DCC: variants seen among roughly 807,000 people sequenced by gnomAD.
DCC encodes the protein netrin receptor DCC.
DCC carries 58 observed loss-of-function variants against 172.5 expected under a neutral mutation model. The observed-to-expected ratio is 0.34, with a 90% CI of 0.27 to 0.42. DCC has a LOEUF of 0.42. Among genes scored for constraint, DCC ranks in the 10% least tolerant of loss-of-function variants. DCC has a pLI of 1.00. For missense variants in DCC, 1,740 were observed against 1,791.0 expected (o/e 0.97, Z 0.51); for synonymous variants, 709 against 644.5 (o/e 1.10, Z -1.52).
intron 3 of DCC, among the ~76,000 whole-genome samples, chr18:52,908,500 G>C (rs1303641256): frequency 6.6e-6 from 1 of 152,162 alleles, no homozygotes; most frequent in African/African-American, 2.4e-5. Context: ...AAGGTAAGCT[G>C]CATGGAAAAT....
At position 53,369,098 on chromosome 18, in the gene DCC, T is replaced by A. The variant is rs184966096; in HGVS notation, c.2360-16945T>A. 2.0e-4 allele frequency among the ~76,000 whole-genome samples: 30 copies of A among 152,136 alleles called. No individual in the cohort carries two copies. In the East Asian group the frequency reaches 5.4e-3, roughly 27 times the overall value. ...GGGCTGCGTTTCTATATATTTAAAG[T>A]CTTTAATTTCTTTTGCAGTGCTTAA... On this transcript the variant is annotated intron_variant, in intron 15 of 28. Coordinates refer to ENST00000442544, the MANE Select transcript of DCC (RefSeq NM_005215.4).
intron 1 of DCC, among the ~76,000 whole-genome samples, chr18:52,516,610 G>A (rs1334246465): frequency 6.6e-6 from 1 of 152,120 alleles, no homozygotes; most frequent in African/African-American, 2.4e-5. Flanking sequence ...TAAGATAAAG[G>A]TGAAATAAAC....
chr18:52,908,627 A>G (rs879108726), intron 3 of DCC, among the ~76,000 whole-genome samples: 38 of 152,252 alleles, frequency 2.5e-4, no homozygotes, highest in South Asian at 8.3e-4. Context: ...AGACACAGAG[A>G]CATTATAATC....
intron 15 of DCC, among the ~76,000 whole-genome samples, chr18:53,384,090 G>C (rs948736271): frequency 1.3e-5 from 2 of 148,434 alleles, no homozygotes; most frequent in African/African-American, 4.9e-5. Flanking sequence ...TCACCAGTTA[G>C]CTATTAAATC....
At chr18:53,322,430 T>C (rs1327815566) in intron 14 of DCC, among the ~76,000 whole-genome samples, 1 of 152,184 alleles carries the variant, frequency 6.6e-6, no homozygotes, top group Non-Finnish European at 1.5e-5. Flanking sequence ...TGAAATAAGA[T>C]ATTTTCTATT....
intron 1 of DCC, among the ~76,000 whole-genome samples, chr18:52,490,786 G>C (rs2030461612): frequency 1.3e-5 from 2 of 152,072 alleles, no homozygotes; most frequent in Admixed American, 1.3e-4. Context: ...GGACAGCAAA[G>C]ACCCCACCTC....
At chr18:52,429,089 T>C (rs1145242) in intron 1 of DCC, among the ~76,000 whole-genome samples, 61,989 of 151,856 alleles carry the variant, frequency 0.41, 13,986 homozygotes, top group East Asian at 0.65. Flanking sequence ...CGTACAGTTA[T>C]ACAACACAAA....
At chr18:53,476,615 ATT>A (rs1049524208) in intron 25 of DCC, among the ~76,000 whole-genome samples, 1 of 149,978 alleles carries the variant, frequency 6.7e-6, no homozygotes, top group African/African-American at 2.4e-5. Flanking sequence ...TTATTTATTT[ATT>A]TTTTTTGTAA....
At chr18:52,435,137 G>A (rs1489066844) in intron 1 of DCC, among the ~76,000 whole-genome samples, 1 of 152,156 alleles carries the variant, frequency 6.6e-6, no homozygotes, top group African/African-American at 2.4e-5. Context: ...AAATGCTGGT[G>A]CCTTTTCAAT....
intron 5 of DCC, among the ~76,000 whole-genome samples, chr18:52,945,438 T>C (rs1350284240): frequency 6.6e-6 from 1 of 152,216 alleles, no homozygotes; most frequent in Non-Finnish European, 1.5e-5. Flanking sequence ...GAAATAAATA[T>C]GCTATCTGGC....
At chr18:53,220,271 C>T (rs2055912472) in intron 12 of DCC, among the ~76,000 whole-genome samples, 1 of 152,068 alleles carries the variant, frequency 6.6e-6, no homozygotes, top group Non-Finnish European at 1.5e-5. Context: ...GGTTTCAGTT[C>T]ACACACCTCC....
At chr18:53,464,664 AC>A (rs1420745811) in intron 24 of DCC, among the ~76,000 whole-genome samples, 1 of 151,946 alleles carries the variant, frequency 6.6e-6, no homozygotes, top group Admixed American at 6.6e-5. Context: ...CAGACACCCA[AC>A]AATATCAAAG....
At chr18:53,152,169 G>A (rs1384251297) in intron 7 of DCC, among the ~76,000 whole-genome samples, 2 of 152,168 alleles carry the variant, frequency 1.3e-5, no homozygotes, top group African/African-American at 2.4e-5. Flanking sequence ...GGCTACATTT[G>A]TAATATTTTA....
At position 52,443,692 on chromosome 18, in the gene DCC, G is replaced by A. The variant is rs1988038351; in HGVS notation, c.91+102814G>A. Among the ~76,000 whole-genome samples, 3 of 152,186 alleles carry A rather than the reference G, an allele frequency of 2.0e-5. No individual in the cohort carries two copies. The South Asian group carries it at 6.2e-4, about 32-fold the overall frequency. On this transcript the variant is annotated intron_variant, in intron 1 of 28. Transcript: ENST00000442544. ...GAGGATGGAGAAAGGGAAGAAGAGA[G>A]AGAGGCAGCTGGACATGTAGACAAA... is the stretch of plus-strand genomic sequence containing the variant.
At chr18:52,977,618 G>C (rs1373621932) in intron 5 of DCC, among the ~76,000 whole-genome samples, 1 of 152,136 alleles carries the variant, frequency 6.6e-6, no homozygotes, top group Non-Finnish European at 1.5e-5. Flanking sequence ...GGGCGCAGTG[G>C]CTCATGCCTG....
chr18:53,257,331 A>G (rs1350205891), intron 12 of DCC, among the ~76,000 whole-genome samples: 2 of 152,176 alleles, frequency 1.3e-5, no homozygotes, highest in Non-Finnish European at 2.9e-5. Flanking sequence ...CCCATTCAGT[A>G]TGATATTGGC....
At chr18:52,501,063 C>G (rs57795231) in intron 1 of DCC, among the ~76,000 whole-genome samples, 1 of 151,918 alleles carries the variant, frequency 6.6e-6, no homozygotes, top group African/African-American at 2.4e-5. Context: ...CAAATAACTG[C>G]GTAACATTGA....
chr18:53,494,428 A>G (rs912745737), intron 26 of DCC, among the ~76,000 whole-genome samples: 6 of 152,162 alleles, frequency 3.9e-5, no homozygotes, highest in African/African-American at 1.4e-4. Context: ...GTCACCCACT[A>G]TTATTGTGTG....
intron 5 of DCC, among the ~76,000 whole-genome samples, chr18:53,059,829 G>T (rs1037686317): frequency 1.3e-5 from 2 of 152,044 alleles, no homozygotes; most frequent in Non-Finnish European, 2.9e-5. Context: ...TTTGTTGCTT[G>T]AGTTTTTTAT....
Sources: allele counts gnomAD v4.1 joint callset (sites outside exome capture counted in the v4.1 genomes callset), GRCh38; gene constraint gnomAD v4.1.1; transcripts MANE v1.5; gene names NCBI Gene and HGNC (gene_info 2026-07-23, HGNC 2026-07-21).